The following HSPA8 variants were observed in gnomAD, a reference collection of about 807,000 sequenced individuals.
HSPA8 encodes the protein heat shock protein family A (Hsp70) member 8, also known as heat shock cognate 71 kDa protein.
Under a neutral mutation model 52.8 loss-of-function variants are expected in HSPA8, and 2 were observed. The observed-to-expected ratio is 0.04, with a 90% CI of 0.02 to 0.12. The LOEUF (loss-of-function observed/expected upper bound fraction) is 0.12, where lower values mean the gene tolerates loss of function less well. Among genes scored for constraint, HSPA8 ranks in the 10% least tolerant of loss-of-function variants. The pLI, the probability that HSPA8 is intolerant of heterozygous loss-of-function variation, is 1.00. For synonymous variants in HSPA8, 436 were observed against 274.0 expected (o/e 1.59, Z -5.84); for missense variants, 349 against 800.5 (o/e 0.44, Z 6.81).
chr11:123,057,995 T>A (rs1212519856), intron 8 of HSPA8, 76 bp from the exon 9 acceptor site: 7 of 1,225,492 alleles, frequency 5.7e-6, no homozygotes, highest in Non-Finnish European at 3.4e-6. Flanking sequence ...CGCAATCTGA[T>A]ACTAAAAGTC....
At position 123,061,184 on chromosome 11, in the gene HSPA8, A is replaced by G. The variant is rs1865488245; in HGVS notation, c.141T>C (p.Thr47=). The G allele has an allele frequency of 6.2e-7, 1 of 1,613,926 alleles. No individual in the cohort carries two copies. The highest frequency in any genetic ancestry group is 1.1e-5 in the South Asian group (1 of 91,050). The change falls in exon 2 of 9, where the codon ACT becomes ACC. Residue 47 remains threonine, a synonymous_variant. Transcript: ENST00000534624. ...TTGCGGCATCACCGATCAACCGTTCAGTGTCCGTAAAGGCGACATAGCTTG... is the reference window on the plus strand; with the variant it reads ...TTGCGGCATCACCGATCAACCGTTCGGTGTCCGTAAAGGCGACATAGCTTG... ...TTPSYVAFTD[T]ERLIGDAAKN...
chr11:123,059,465 A>G lies in HSPA8; in HGVS notation c.1120+8T>C. Reference sequence around the variant, plus strand: ...TGCCTTTAGGGTTAATTGAGATACCATTGTTACCTGCACCATAAGCAACAG... The same window carrying G: ...TGCCTTTAGGGTTAATTGAGATACCGTTGTTACCTGCACCATAAGCAACAG... On this transcript the variant is annotated splice_region_variant and intron_variant, in intron 5 of 8. Transcript: ENST00000534624. The G allele has an allele frequency of 1.9e-6, 3 of 1,608,942 alleles. No homozygotes were observed. Among genetic ancestry groups the G allele is most frequent in the Non-Finnish European group, 1.7e-6 (2 of 1,176,856 alleles).
Position 123,061,112 on chromosome 11 carries a change from G to C in HSPA8, c.205+8C>G. 1 of 1,609,504 alleles carries C rather than the reference G, an allele frequency of 6.2e-7. No homozygotes were observed. Among genetic ancestry groups the C allele is most frequent in the South Asian group, 1.1e-5 (1 of 90,986 alleles). ...TATTTGTTCTGTCATTTAAAATTAGGAACTCACCAAAAACTGTGTTGGTGG... is the reference window on the plus strand; with the variant it reads ...TATTTGTTCTGTCATTTAAAATTAGCAACTCACCAAAAACTGTGTTGGTGG... On this transcript the variant is annotated splice_region_variant and intron_variant, in intron 2 of 8. Coordinates refer to ENST00000534624, the MANE Select transcript of HSPA8 (RefSeq NM_006597.6).
chr11:123,060,583 C>T lies in HSPA8; in HGVS notation c.411+10G>A, dbSNP rs779797409. On this transcript the variant is annotated intron_variant, in intron 3 of 8. Transcript: ENST00000534624. ...CCGGAATGCACCCCATACTGAAAAA[C>T]CAACCTCACCTTCCCAAGGTAGGCT... 2 of 1,610,050 alleles carry T rather than the reference C, an allele frequency of 1.2e-6. No homozygotes were observed. The highest frequency in any genetic ancestry group is 2.2e-5 in the South Asian group (2 of 91,008).
intron 2 of HSPA8, 103 bp downstream of exon 2, chr11:123,061,017 C>T (rs1865483121): frequency 9.7e-7 from 1 of 1,033,556 alleles, no homozygotes; most frequent in Middle Eastern, 2.3e-4. Flanking sequence ...AGTCTCTCAG[C>T]TCAGTTTTTC....
intron 4 of HSPA8, 43 bp downstream of exon 4, chr11:123,060,073 T>C (rs1294083178): frequency 3.7e-6 from 6 of 1,614,038 alleles, no homozygotes; most frequent in Non-Finnish European, 4.2e-6. Context: ...TGGATCAAAT[T>C]AATCTTAAAA....
intron 8 of HSPA8, 129 bp downstream of exon 8, chr11:123,058,123 G>A (rs2135438081): frequency 2.7e-6 from 2 of 744,468 alleles, no homozygotes; most frequent in Middle Eastern, 5.0e-4. Flanking sequence ...TTGAATTCTG[G>A]TGGAAACCGC....
chr11:123,060,848 T>G, intron 2 of HSPA8, 50 bp from the exon 3 acceptor site: 3 of 1,522,364 alleles, frequency 2.0e-6, no homozygotes, highest in Non-Finnish European at 2.7e-6. Flanking sequence ...GCTCTTCTGA[T>G]AAAACTCAAG....
intron 2 of HSPA8, 50 bp from the exon 3 acceptor site, chr11:123,060,848 T>C (rs1323948969): frequency 2.6e-6 from 4 of 1,522,246 alleles, no homozygotes; most frequent in Non-Finnish European, 2.7e-6. Flanking sequence ...GCTCTTCTGA[T>C]AAAACTCAAG....
chr11:123,057,652 A>T lies in HSPA8; in HGVS notation c.*82T>A, dbSNP rs1443009857. ...TACTATAGCAGCTTAACTTTTTAAAACTGCCACAGAATTTGCTACGAATTT... is the reference window on the plus strand; with the variant it reads ...TACTATAGCAGCTTAACTTTTTAAATCTGCCACAGAATTTGCTACGAATTT... On this transcript the variant is annotated 3_prime_UTR_variant, in exon 9 of 9. Coordinates refer to ENST00000534624, the MANE Select transcript of HSPA8 (RefSeq NM_006597.6). The T allele has an allele frequency of 8.6e-7, 1 of 1,163,808 alleles. No homozygotes were observed. The highest frequency in any genetic ancestry group is 1.2e-6 in the Non-Finnish European group (1 of 820,146). The allele number at this position is 1,163,808 out of a possible 1,614,324, so 72.1% of individuals were successfully genotyped here. A position where few individuals can be genotyped will look rare whatever the true frequency, so the allele number is the denominator to read the frequency against.
At chr11:123,059,289 GAAGTT>G (rs1565367750) in intron 5 of HSPA8, 28 bp from the exon 6 acceptor site, 1 of 1,584,496 alleles carries the variant, frequency 6.3e-7, no homozygotes, top group South Asian at 1.1e-5. Flanking sequence ...AACGTTAAAA[GAAGTT>G]AAAAGAAAAC....
intron 1 of HSPA8, 67 bp downstream of exon 1, chr11:123,061,997 C>T (rs1284607647): frequency 6.4e-6 from 1 of 155,092 alleles, no homozygotes; most frequent in African/African-American, 2.4e-5. Flanking sequence ...CTCAGCAAGC[C>T]CAACAGGCCT....
intron 2 of HSPA8, 85 bp from the exon 3 acceptor site, chr11:123,060,883 A>C (rs535655016): frequency 8.9e-6 from 11 of 1,230,878 alleles, no homozygotes; most frequent in Non-Finnish European, 1.3e-5. Context: ...AATACCTAAC[A>C]GTTCATAGGT....
intron 1 of HSPA8, 62 bp from the exon 2 acceptor site, chr11:123,061,391 AACAGAAC>A: frequency 7.8e-7 from 1 of 1,280,962 alleles, no homozygotes; most frequent in South Asian, 1.2e-5. Flanking sequence ...CTCATCCCTT[AACAGAAC>A]ACTTAACCAG....
Position 123,057,816 on chromosome 11 carries a change from C to T in HSPA8, c.1859G>A (p.Gly620Glu), listed in dbSNP as rs757849635. ...LYQSAGGMPG[G>E]MPGGFPGGGA... ...ACCACCAGGAAATCCCCCAGGCATT[C>T]CTCCTGGCATGCCTCCTGCACTCTG... is the stretch of plus-strand genomic sequence containing the variant. Residue 620 changes from glycine to glutamate, a missense_variant, in exon 9 of 9, where the codon GGA becomes GAA. Transcript: ENST00000534624. 2 of 1,613,670 alleles carry T rather than the reference C, an allele frequency of 1.2e-6. No individual in the cohort carries two copies. Among genetic ancestry groups the T allele is most frequent in the African/African-American group, 1.3e-5 (1 of 74,920 alleles).
rs780539154 is a variant in HSPA8, at chr11:123,062,115, A to T, written c.-57T>A. On this transcript the variant is annotated 5_prime_UTR_variant, in exon 1 of 9. Transcript: ENST00000534624. Reference sequence around the variant, plus strand: ...CGAAGGAAGCCACAAAAAACCCAAGAGCTGCAGGCGAGTTCAATGAGACCG... The same window carrying T: ...CGAAGGAAGCCACAAAAAACCCAAGTGCTGCAGGCGAGTTCAATGAGACCG... 1 of 152,704 alleles carries T rather than the reference A, an allele frequency of 6.5e-6. No individual in the cohort carries two copies. Among genetic ancestry groups the T allele is most frequent in the African/African-American group, 2.4e-5 (1 of 41,358 alleles). The allele number at this position is 152,704 out of a possible 1,614,324, so 9.5% of individuals were successfully genotyped here.
rs11551599 is a variant in HSPA8, at chr11:123,059,929, T to C, written c.664A>G (p.Thr222Ala). The C allele has an allele frequency of 6.2e-7, 1 of 1,613,900 alleles. No individual in the cohort carries two copies. The highest frequency in any genetic ancestry group is 8.5e-7 in the Non-Finnish European group (1 of 1,179,958). Residue 222 changes from threonine to alanine, a missense_variant, in exon 5 of 9, where the codon ACA (threonine) becomes GCA (alanine). Physicochemically the swap from Thr to Ala is moderately conservative, Grantham distance 58 (BLOSUM62 0). Transcript: ENST00000534624. ...IEDGIFEVKS[T>A]AGDTHLGGED... The stretch of plus-strand genomic sequence containing the variant: ...CCACCCAAGTGGGTGTCTCCAGCTG[T>C]AGACTTGACCTCAAAGATTCCATCC...
intron 4 of HSPA8, 23 bp from the exon 5 acceptor site, chr11:123,060,051 T>C (rs1490337433): frequency 6.2e-7 from 1 of 1,614,082 alleles, no homozygotes; most frequent in Admixed American, 1.7e-5. Flanking sequence ...ACAATCTCAT[T>C]TAAATTTACG....
intron 7 of HSPA8, 67 bp from the exon 8 acceptor site, chr11:123,058,551 T>G: frequency 6.4e-7 from 1 of 1,571,050 alleles, no homozygotes; most frequent in South Asian, 1.1e-5. Flanking sequence ...CTAGTTTCTC[T>G]TAGCTAGACG....
Sources: gnomAD v4.1 joint callset for allele counts on GRCh38, gnomAD v4.1.1 for gene constraint, MANE v1.5 for transcripts, NCBI Gene and HGNC (gene_info 2026-07-23, HGNC 2026-07-21) for gene names.